Variants in TRERF1 observed in about 807,000 individuals in gnomAD.
TRERF1 encodes the protein transcriptional-regulating factor 1.
In TRERF1, 27 loss-of-function variants were observed where a neutral mutation model predicts 122.9. The ratio of observed to expected loss-of-function variants is 0.22; its 90% CI spans 0.16 to 0.30. The LOEUF (loss-of-function observed/expected upper bound fraction) is 0.30. Ranked by LOEUF, TRERF1 falls within the 10% of genes least tolerant of loss-of-function variation. The pLI is 1.00. For missense variants in TRERF1, 1,248 were observed against 1,560.3 expected, an observed-to-expected ratio of 0.80 and a Z score of 3.37; for synonymous variants, 636 against 641.7, an observed-to-expected ratio of 0.99 and a Z score of 0.13.
chr6:42,313,309 T>C (rs748324099), intron 3 of TRERF1, among the ~76,000 whole-genome samples: 2 of 152,132 alleles, frequency 1.3e-5, no homozygotes, highest in African/African-American at 4.8e-5. Context: ...TGTATTCATA[T>C]TATTCACGAT....
intron 17 of TRERF1, among the ~76,000 whole-genome samples, chr6:42,229,125 TTTGTTG>T (rs372117238): frequency 4.6e-5 from 7 of 151,908 alleles, no homozygotes; most frequent in African/African-American, 1.5e-4. Flanking sequence ...AGTTGTTGGT[TTTGTTG>T]TTGTTGTTGT....
intron 5 of TRERF1, among the ~76,000 whole-genome samples, chr6:42,267,857 T>C (rs918031697): frequency 6.6e-6 from 1 of 152,206 alleles, no homozygotes; most frequent in Non-Finnish European, 1.5e-5. Flanking sequence ...CACTGTGTGG[T>C]CCCCTGGCAT....
chr6:42,396,355 A>G (rs1240904114), intron 2 of TRERF1, among the ~76,000 whole-genome samples: 2 of 152,050 alleles, frequency 1.3e-5, no homozygotes, highest in Admixed American at 6.6e-5. Context: ...ACCATGGCCA[A>G]CTCAAAGCCC....
intron 2 of TRERF1, among the ~76,000 whole-genome samples, chr6:42,442,703 A>G (rs969233984): frequency 6.6e-6 from 1 of 152,224 alleles, no homozygotes; most frequent in African/African-American, 2.4e-5. Context: ...AGTATTTCCA[A>G]CTAAGCTCAT....
chr6:42,361,078 G>A (rs796169922), intron 3 of TRERF1, among the ~76,000 whole-genome samples: 12 of 152,296 alleles, frequency 7.9e-5, no homozygotes, highest in African/African-American at 2.4e-4. Flanking sequence ...GATAGTGTTA[G>A]GGATGAAGCC....
intron 13 of TRERF1, among the ~76,000 whole-genome samples, chr6:42,247,783 T>C (rs1346820224): frequency 2.0e-5 from 3 of 152,334 alleles, no homozygotes; most frequent in South Asian, 2.1e-4. Context: ...CTTCCACCAC[T>C]GTGGCTGGTT....
intron 2 of TRERF1, among the ~76,000 whole-genome samples, chr6:42,399,211 T>A (rs1213082460): frequency 6.6e-6 from 1 of 152,210 alleles, no homozygotes; most frequent in Admixed American, 6.5e-5. Flanking sequence ...GAATTTTTTT[T>A]AAATAAAACA....
At chr6:42,241,764 G>A (rs968881384) in intron 15 of TRERF1, among the ~76,000 whole-genome samples, 2 of 152,162 alleles carry the variant, frequency 1.3e-5, no homozygotes, top group African/African-American at 4.8e-5. Flanking sequence ...GCCTGGCCAA[G>A]TCCAAATTTT....
intron 2 of TRERF1, among the ~76,000 whole-genome samples, chr6:42,365,044 A>C (rs1772472754): frequency 1.3e-5 from 2 of 152,116 alleles, no homozygotes; most frequent in Non-Finnish European, 2.9e-5. Flanking sequence ...TGGGAACCTG[A>C]GTGGGCTCGC....
rs1273064343 is a variant in TRERF1, at chr6:42,397,825, T to A, written c.-453-34746A>T. On this transcript the variant is annotated intron_variant, in intron 2 of 17. Transcript: ENST00000372922. ...CTTAGAGAAATAATATATACAGCAATCGTCTGATAAACCAGCCAAAGACCA... is the reference window on the plus strand; with the variant it reads ...CTTAGAGAAATAATATATACAGCAAACGTCTGATAAACCAGCCAAAGACCA... 2.0e-5 allele frequency among the ~76,000 whole-genome samples: 3 copies of A among 152,134 alleles called. No individual in the cohort carries two copies. In the East Asian group the frequency reaches 5.8e-4, roughly 29 times the overall value.
At chr6:42,444,602 G>A (rs922267274) in intron 2 of TRERF1, among the ~76,000 whole-genome samples, 1 of 152,006 alleles carries the variant, frequency 6.6e-6, no homozygotes, top group Non-Finnish European at 1.5e-5. Context: ...TGTCATGATG[G>A]AGCAAGTTCC....
intron 10 of TRERF1, 128 bp downstream of exon 10, chr6:42,258,007 A>G: frequency 5.0e-6 from 4 of 803,906 alleles, no homozygotes; most frequent in Non-Finnish European, 7.8e-6. Flanking sequence ...ACAGTACTCA[A>G]GAAATAACCA....
At chr6:42,380,669 C>A (rs749041744) in intron 2 of TRERF1, among the ~76,000 whole-genome samples, 2 of 152,222 alleles carry the variant, frequency 1.3e-5, no homozygotes, top group African/African-American at 2.4e-5. Context: ...GCCTGCCCCA[C>A]CTTATAGCAA....
At chr6:42,435,019 A>G (rs890326735) in intron 2 of TRERF1, among the ~76,000 whole-genome samples, 2 of 151,974 alleles carry the variant, frequency 1.3e-5, no homozygotes, top group East Asian at 3.9e-4. Context: ...AATCCCAGCT[A>G]CTTCAGGAGG....
At chr6:42,376,409 G>C (rs976847641) in intron 2 of TRERF1, among the ~76,000 whole-genome samples, 1 of 152,188 alleles carries the variant, frequency 6.6e-6, no homozygotes, top group South Asian at 2.1e-4. Flanking sequence ...GCTGGGGTAG[G>C]GGAGAGACAG....
At position 42,257,113 on chromosome 6, in the gene TRERF1, C is replaced by G; in HGVS notation, c.2337-11G>C. 6.2e-7 allele frequency: 1 copy of G among 1,613,248 alleles called. No individual in the cohort carries two copies. Among genetic ancestry groups the G allele is most frequent in the Non-Finnish European group, 8.5e-7 (1 of 1,179,734 alleles). The stretch of plus-strand genomic sequence containing the variant: ...CCAATGTTGATGCGTCTTTAAATGA[C>G]AAGAAGAAAAACAACAATGTGGTCT... On this transcript the variant is annotated splice_polypyrimidine_tract_variant and intron_variant, in intron 10 of 17. Transcript: ENST00000372922.
chr6:42,302,855 T>C (rs1295854799), intron 3 of TRERF1, among the ~76,000 whole-genome samples: 2 of 152,190 alleles, frequency 1.3e-5, no homozygotes, highest in Non-Finnish European at 2.9e-5. Flanking sequence ...AAAACAACTT[T>C]CTAGGGTCCT....
At chr6:42,236,588 C>A (rs975344213) in intron 15 of TRERF1, among the ~76,000 whole-genome samples, 177 bp from the exon 16 acceptor site, 3 of 152,170 alleles carry the variant, frequency 2.0e-5, no homozygotes, top group African/African-American at 7.2e-5. Flanking sequence ...AAAGGTTGGT[C>A]TCCGGATGCT....
intron 3 of TRERF1, among the ~76,000 whole-genome samples, chr6:42,356,775 T>C (rs147333183): frequency 0.037 from 5,672 of 152,024 alleles, 282 homozygotes; most frequent in East Asian, 0.24. Flanking sequence ...GGTTTTGCCA[T>C]GTTGGCCAGG....
Sources: gnomAD v4.1 joint callset for allele counts (sites outside exome capture counted in the v4.1 genomes callset) on GRCh38, gnomAD v4.1.1 for gene constraint, MANE v1.5 for transcripts, NCBI Gene and HGNC (gene_info 2026-07-23, HGNC 2026-07-21) for gene names.